Variants in MGAT4C observed in about 807,000 individuals in gnomAD.
MGAT4C encodes the protein alpha-1,3-mannosyl-glycoprotein 4-beta-N-acetylglucosaminyltransferase C.
Under a neutral mutation model 40.1 loss-of-function variants are expected in MGAT4C, and 19 were observed. The observed-to-expected ratio is 0.47, with a 90% CI of 0.33 to 0.70. The LOEUF (loss-of-function observed/expected upper bound fraction) is 0.70, where lower values mean the gene tolerates loss of function less well. Ranked by LOEUF, MGAT4C falls within the 30% of genes least tolerant of loss-of-function variation. The pLI is 0.02. For synonymous variants in MGAT4C, 181 were observed against 187.1 expected, an observed-to-expected ratio of 0.97 and a Z score of 0.27; for missense variants, 491 against 563.2, an observed-to-expected ratio of 0.87 and a Z score of 1.30.
Position 86,590,917 on chromosome 12 carries a change from G to A in MGAT4C, c.-229+136292C>T, listed in dbSNP as rs373841545. Among the ~76,000 whole-genome samples the A allele has an allele frequency of 8.6e-5, 13 of 152,042 alleles. No homozygotes were observed. In the East Asian group the frequency reaches 2.3e-3, roughly 27 times the overall value. On this transcript the variant is annotated intron_variant, in intron 2 of 7. Coordinates refer to the MGAT4C transcript ENST00000548651. ...TTTATTCCTGAAATGCATCAAGAAG[G>A]CCTATTTTCAGCACTTGGAAATGCA...
Position 86,722,506 on chromosome 12 carries a change from C to G in MGAT4C, c.-229+4703G>C, listed in dbSNP as rs7975073. 3.3e-3 allele frequency among the ~76,000 whole-genome samples: 502 copies of G among 152,248 alleles called. 3 individuals carry two copies. Among genetic ancestry groups the G allele is most frequent in the African/African-American group, 0.012 (480 of 41,560 alleles). The stretch of plus-strand genomic sequence containing the variant: ...ATTGAAATGCTTTATTTTCCCATAT[C>G]TTAATACATTTTGTGAACACATAGC... On this transcript the variant is annotated intron_variant, in intron 2 of 7. Coordinates refer to the MGAT4C transcript ENST00000548651.
intron 3 of MGAT4C, among the ~76,000 whole-genome samples, chr12:86,410,800 A>G (rs143594254): frequency 1.3e-5 from 2 of 152,188 alleles, no homozygotes; most frequent in South Asian, 2.1e-4. Flanking sequence ...TTATAAAAGT[A>G]TTAATTTTGG....
At position 86,329,355 on chromosome 12, in the gene MGAT4C, C is replaced by G. The variant is rs571192459; in HGVS notation, c.-57+4710G>C. 2.6e-5 allele frequency among the ~76,000 whole-genome samples: 4 copies of G among 152,230 alleles called. No homozygotes were observed. In the East Asian group the frequency reaches 5.8e-4, roughly 22 times the overall value. On this transcript the variant is annotated intron_variant, in intron 4 of 7. Transcript: ENST00000548651. ...AGGGCTGGTTCAGTGGACATAGTTACATATCAGCAGAATCCCAACTCCTTA... is the reference window on the plus strand; with the variant it reads ...AGGGCTGGTTCAGTGGACATAGTTAGATATCAGCAGAATCCCAACTCCTTA...
At chr12:86,143,612 T>C (rs1883146736) in intron 1 of MGAT4C, among the ~76,000 whole-genome samples, 1 of 152,126 alleles carries the variant, frequency 6.6e-6, no homozygotes, top group African/African-American at 2.4e-5. Context: ...GTACTTAAGG[T>C]TCTTTGCTGT....
At chr12:86,117,227 C>T (rs1878581773) in intron 1 of MGAT4C, among the ~76,000 whole-genome samples, 1 of 152,010 alleles carries the variant, frequency 6.6e-6, no homozygotes, top group South Asian at 2.1e-4. Context: ...ATAGCATGGG[C>T]TAAAGAAGAA....
At chr12:86,519,376 A>T (rs1007127339) in intron 2 of MGAT4C, among the ~76,000 whole-genome samples, 1 of 152,110 alleles carries the variant, frequency 6.6e-6, no homozygotes, top group Non-Finnish European at 1.5e-5. Flanking sequence ...GGGAGTGCAG[A>T]TATCTCTTTG....
At chr12:86,532,340 A>T (rs1739877381) in intron 2 of MGAT4C, among the ~76,000 whole-genome samples, 1 of 152,032 alleles carries the variant, frequency 6.6e-6, no homozygotes, top group Non-Finnish European at 1.5e-5. Context: ...AAATGAATTC[A>T]AATAAATTTA....
intron 1 of MGAT4C, among the ~76,000 whole-genome samples, chr12:86,179,549 T>C (rs1006146355): frequency 2.0e-5 from 3 of 152,196 alleles, no homozygotes; most frequent in East Asian, 1.9e-4. Context: ...AATAGTGATA[T>C]GAACAATTCT....
At chr12:86,289,415 G>T (rs1953445118) in intron 4 of MGAT4C, among the ~76,000 whole-genome samples, 1 of 151,520 alleles carries the variant, frequency 6.6e-6, no homozygotes, top group African/African-American at 2.4e-5. Flanking sequence ...CATATGAGTT[G>T]TAATTTTTTT....
At chr12:86,326,450 T>C in intron 4 of MGAT4C, among the ~76,000 whole-genome samples, 1 of 152,144 alleles carries the variant, frequency 6.6e-6, no homozygotes, top group East Asian at 1.9e-4. Flanking sequence ...ATTTTATTTA[T>C]CTATTATACC....
chr12:86,688,936 G>A (rs1322550543), intron 2 of MGAT4C, among the ~76,000 whole-genome samples: 2 of 152,178 alleles, frequency 1.3e-5, no homozygotes, highest in African/African-American at 2.4e-5. Flanking sequence ...ATCCTGAAGT[G>A]TGTTTGCCAA....
chr12:85,985,201 A>C (rs1885074857), intron 3 of MGAT4C, among the ~76,000 whole-genome samples: 1 of 152,228 alleles, frequency 6.6e-6, no homozygotes, highest in African/African-American at 2.4e-5. Flanking sequence ...TGTGGTCATT[A>C]AAAGGTTAAT....
chr12:86,122,384 A>T (rs1879507595), intron 1 of MGAT4C, among the ~76,000 whole-genome samples: 2 of 152,142 alleles, frequency 1.3e-5, no homozygotes, highest in Non-Finnish European at 2.9e-5. Context: ...TGTCTTCTAT[A>T]TTCTAAAGTA....
intron 1 of MGAT4C, among the ~76,000 whole-genome samples, chr12:86,142,422 T>C (rs1159793221): frequency 6.6e-6 from 1 of 152,182 alleles, no homozygotes; most frequent in African/African-American, 2.4e-5. Flanking sequence ...CTCTGATCTC[T>C]GGGTTGCTCA....
At chr12:86,082,583 C>G (rs1031729223) in intron 1 of MGAT4C, among the ~76,000 whole-genome samples, 2 of 152,086 alleles carry the variant, frequency 1.3e-5, no homozygotes, top group Non-Finnish European at 2.9e-5. Context: ...AAACACAGCA[C>G]AGTTGTGAGT....
chr12:86,046,768 A>G (rs1403123231), intron 2 of MGAT4C, among the ~76,000 whole-genome samples: 3 of 152,186 alleles, frequency 2.0e-5, no homozygotes, highest in Non-Finnish European at 4.4e-5. Flanking sequence ...GTCACAATAC[A>G]CAGTGAAGGT....
At chr12:86,088,651 G>C (rs1490097729) in intron 1 of MGAT4C, among the ~76,000 whole-genome samples, 1 of 151,922 alleles carries the variant, frequency 6.6e-6, no homozygotes, top group African/African-American at 2.4e-5. Context: ...CTAAACATTA[G>C]AGAAATGAAA....
At chr12:86,092,577 T>C (rs1040227840) in intron 1 of MGAT4C, among the ~76,000 whole-genome samples, 1 of 152,140 alleles carries the variant, frequency 6.6e-6, no homozygotes, top group African/African-American at 2.4e-5. Context: ...GGAAATTTAG[T>C]ACTTAGATTT....
At chr12:86,537,971 C>A (rs1216056544) in intron 2 of MGAT4C, among the ~76,000 whole-genome samples, 1 of 152,056 alleles carries the variant, frequency 6.6e-6, no homozygotes, top group Non-Finnish European at 1.5e-5. Context: ...CCTGTAATCC[C>A]AGCTACTCGG....
Sources: gnomAD v4.1 joint callset for allele counts (sites outside exome capture counted in the v4.1 genomes callset) on GRCh38, gnomAD v4.1.1 for gene constraint, MANE v1.5 for transcripts, NCBI Gene and HGNC (gene_info 2026-07-23, HGNC 2026-07-21) for gene names.